Variants in PDPK1 observed in about 807,000 individuals in gnomAD.
PDPK1 encodes the protein 3-phosphoinositide dependent protein kinase 1.
PDPK1 carries 7 observed loss-of-function variants against 39.8 expected under a neutral mutation model. That is an observed-to-expected ratio of 0.18 (90% CI 0.10 to 0.33). The LOEUF (loss-of-function observed/expected upper bound fraction) is 0.33, where lower values mean the gene tolerates loss of function less well. Among genes scored for constraint, PDPK1 ranks in the 10% least tolerant of loss-of-function variants. The pLI, the probability that PDPK1 is intolerant of heterozygous loss-of-function variation, is 1.00. For missense variants in PDPK1, 182 were observed against 384.7 expected, an observed-to-expected ratio of 0.47 and a Z score of 4.41; for synonymous variants, 118 against 159.1, an observed-to-expected ratio of 0.74 and a Z score of 1.95.
chr16:2,585,661 G>C (rs559872696), intron 10 of PDPK1, among the ~76,000 whole-genome samples: 2 of 152,080 alleles, frequency 1.3e-5, no homozygotes, highest in Non-Finnish European at 2.9e-5. Context: ...CGGCGTGGAG[G>C]GGCCGGCGTG....
intron 1 of PDPK1, among the ~76,000 whole-genome samples, chr16:2,542,210 A>AGT (rs2141935550): frequency 6.6e-6 from 1 of 152,314 alleles, no homozygotes; most frequent in African/African-American, 2.4e-5. Context: ...CGCAGGCTGG[A>AGT]GTACAGTGGC....
chr16:2,598,007 T>G lies in PDPK1; in HGVS notation c.*240T>G. On this transcript the variant is annotated 3_prime_UTR_variant, in exon 14 of 14. Transcript: ENST00000342085. ...CGCTTTGCTTGCTCTCTGTGCTCCG[T>G]GGAGGCCTCCGTGTGCCCTCGTTGC... 1.8e-6 allele frequency: 1 copy of G among 544,298 alleles called. No homozygotes were observed. Among genetic ancestry groups the G allele is most frequent in the Non-Finnish European group, 3.3e-6 (1 of 304,420 alleles). 33.7% of individuals were successfully genotyped at this position (544,298 alleles called of 1,614,324 possible).
intron 2 of PDPK1, 56 bp downstream of exon 2, chr16:2,558,019 A>T: frequency 6.3e-7 from 1 of 1,598,982 alleles, no homozygotes; most frequent in South Asian, 1.1e-5. Context: ...GGGGAGGCTC[A>T]CCTTCCTCGG....
intron 10 of PDPK1, among the ~76,000 whole-genome samples, chr16:2,585,868 C>T (rs1036358574): frequency 3.9e-5 from 6 of 152,206 alleles, no homozygotes; most frequent in Admixed American, 2.0e-4. Flanking sequence ...GCACGGAGGA[C>T]GTGGAAGGGC....
intron 10 of PDPK1, 93 bp from the exon 11 acceptor site, chr16:2,586,583 A>G (rs946801744): frequency 1.6e-4 from 176 of 1,115,182 alleles, no homozygotes; most frequent in Non-Finnish European, 1.1e-4. Flanking sequence ...GCGAGCTCCC[A>G]AGGCCTGACA....
intron 11 of PDPK1, among the ~76,000 whole-genome samples, chr16:2,592,145 C>T (rs2067001691): frequency 6.6e-6 from 1 of 152,208 alleles, no homozygotes; most frequent in African/African-American, 2.4e-5. Context: ...GGCTTGGATC[C>T]TTGACAATGC....
At position 2,598,055 on chromosome 16, in the gene PDPK1, C is replaced by T. The variant is rs1190564515; in HGVS notation, c.*288C>T. ...TGCCGTGGGGACCCAGCTCCATGCA[C>T]GTCAACCCAGTCCCGCCCAGACTAG... On this transcript the variant is annotated 3_prime_UTR_variant, in exon 14 of 14. Coordinates refer to ENST00000342085, the MANE Select transcript of PDPK1 (RefSeq NM_002613.5). 1.0e-5 allele frequency: 5 copies of T among 484,660 alleles called. No individual in the cohort carries two copies. Among genetic ancestry groups the T allele is most frequent in the African/African-American group, 3.8e-5 (2 of 52,052 alleles). 30.0% of individuals were successfully genotyped at this position (484,660 alleles called of 1,614,324 possible).
chr16:2,551,947 T>G (rs1046884200), intron 1 of PDPK1, among the ~76,000 whole-genome samples: 2 of 151,350 alleles, frequency 1.3e-5, no homozygotes, highest in African/African-American at 2.4e-5. Flanking sequence ...ATTATAGGCA[T>G]GAGCCACTGT....
chr16:2,560,241 G>A (rs1597039645), intron 2 of PDPK1, among the ~76,000 whole-genome samples: 1 of 152,302 alleles, frequency 6.6e-6, no homozygotes, highest in East Asian at 1.9e-4. Flanking sequence ...ATCGGTGCTC[G>A]TTCACAATTC....
chr16:2,558,594 G>A (rs1230575470), intron 2 of PDPK1, among the ~76,000 whole-genome samples: 2 of 149,610 alleles, frequency 1.3e-5, no homozygotes, highest in Non-Finnish European at 2.9e-5. Context: ...GCTGACATGG[G>A]ACGTTTTGCT....
At chr16:2,595,657 C>T in intron 11 of PDPK1, 136 bp from the exon 12 acceptor site, 1 of 712,730 alleles carries the variant, frequency 1.4e-6, no homozygotes, top group South Asian at 1.6e-5. Context: ...GGCGAACGTT[C>T]TCTGCTCATC....
In PDPK1 at chr16:2,577,812, C is replaced by T. The variant is rs1168611540; in HGVS notation, c.785+312C>T. Among the ~76,000 whole-genome samples, 10 of 149,428 alleles carry T rather than the reference C, an allele frequency of 6.7e-5. No homozygotes were observed. In the East Asian group the frequency reaches 1.0e-3, roughly 15 times the overall value. On this transcript the variant is annotated intron_variant, in intron 7 of 13. Transcript: ENST00000342085. ...GGAGTGCAGTGGCACCATCTCTGCT[C>T]GCTGCAACCTCCGCCTCCCGGGTTC...
Position 2,596,738 on chromosome 16 carries a change from C to T in PDPK1, c.1402-385C>T, listed in dbSNP as rs117821401. Among the ~76,000 whole-genome samples the T allele has an allele frequency of 3.7e-3, 560 of 152,264 alleles. 1 individual carries two copies. The highest frequency in any genetic ancestry group is 6.7e-3 in the Admixed American group (102 of 15,308). On this transcript the variant is annotated intron_variant, in intron 12 of 13. Coordinates refer to ENST00000342085, the MANE Select transcript of PDPK1 (RefSeq NM_002613.5). Reference sequence around the variant, plus strand: ...GAAAATATTCAGCTCCAGGTGCTCACGGGGCCACTTCCAAGCGCAGGCTCC... The same window carrying T: ...GAAAATATTCAGCTCCAGGTGCTCATGGGGCCACTTCCAAGCGCAGGCTCC...
intron 11 of PDPK1, chr16:2,592,859 T>C: frequency 2.2e-6 from 1 of 456,496 alleles, no homozygotes; most frequent in Non-Finnish European, 4.4e-6. Context: ...TTTCATTGTC[T>C]CTCTCAGGGG....
intron 1 of PDPK1, chr16:2,539,333 T>TC (rs1242554394): frequency 3.3e-5 from 5 of 152,734 alleles, no homozygotes; most frequent in African/African-American, 1.2e-4. Flanking sequence ...GCCCGCCTCG[T>TC]CCTCCCAAAG....
intron 1 of PDPK1, among the ~76,000 whole-genome samples, chr16:2,542,706 G>A (rs1387411778): frequency 6.6e-6 from 1 of 152,222 alleles, no homozygotes; most frequent in African/African-American, 2.4e-5. Context: ...ACCAGCCACC[G>A]TGCTGGGACC....
chr16:2,593,044 T>G lies in PDPK1; in HGVS notation c.1344-2749T>G, dbSNP rs1229666993. The stretch of plus-strand genomic sequence containing the variant: ...TGGCCTTTTTTTTTCTCAGGATGGA[T>G]TTCTGGAAGCGAGGCTACTTCTCAG... On this transcript the variant is annotated intron_variant, in intron 11 of 13. Transcript: ENST00000342085. This position sits in a 1 kb window ranked among gnomAD's most constrained non-coding sequence, Gnocchi z 4.2. The G allele has an allele frequency of 2.2e-6, 1 of 456,454 alleles. No individual in the cohort carries two copies. The highest frequency in any genetic ancestry group is 7.0e-5 in the East Asian group (1 of 14,370). The allele number at this position is 456,454 out of a possible 1,614,324, so 28.3% of individuals were successfully genotyped here.
At chr16:2,542,192 T>C (rs1335976832) in intron 1 of PDPK1, among the ~76,000 whole-genome samples, 2 of 152,226 alleles carry the variant, frequency 1.3e-5, no homozygotes, top group Non-Finnish European at 2.9e-5. Context: ...GACAGTCTCG[T>C]TCTGTCACGC....
intron 1 of PDPK1, among the ~76,000 whole-genome samples, chr16:2,540,010 C>T (rs1206109764): frequency 1.3e-5 from 2 of 152,194 alleles, no homozygotes; most frequent in African/African-American, 4.8e-5. Flanking sequence ...GGAAGTGTCA[C>T]GAACGAGCGT....
Sources: gnomAD v4.1 joint callset for allele counts (sites outside exome capture counted in the v4.1 genomes callset) on GRCh38, gnomAD v4.1.1 for gene constraint, Gnocchi (gnomAD v3.1) non-coding constraint, MANE v1.5 for transcripts, NCBI Gene and HGNC (gene_info 2026-07-23, HGNC 2026-07-21) for gene names.